GRIP2: variants seen among roughly 807,000 people sequenced by gnomAD.
The protein encoded by GRIP2 is glutamate receptor-interacting protein 2.
GRIP2 carries 58 observed loss-of-function variants against 108.3 expected under a neutral mutation model. That is an observed-to-expected ratio of 0.54 (90% CI 0.43 to 0.67). GRIP2 has a LOEUF of 0.67. Ranked by LOEUF, GRIP2 falls within the 30% of genes least tolerant of loss-of-function variation. The pLI is 0.00. For synonymous variants in GRIP2, 586 were observed against 598.2 expected (o/e 0.98, Z 0.30); for missense variants, 1,278 against 1,430.6 (o/e 0.89, Z 1.72).
chr3:14,583,730 C>G, the GRIP2 span, among the ~76,000 whole-genome samples: 1 of 152,218 alleles, frequency 6.6e-6, no homozygotes, highest in African/African-American at 2.4e-5. Context: ...CACTGCCTGC[C>G]GGGATCCGGG....
rs375605356 is a variant in GRIP2, at chr3:14,494,897, G to A, written c.2916C>T (p.Arg972=). The change falls in exon 23 of 24, where the codon CGC becomes CGT. Residue 972 remains arginine, a synonymous_variant. Transcript: ENST00000621039. ...CTCCACGGTGGGCTGGCCCATCAGG[G>A]CGCACAGTGTGGACATAGACACCTT... is the stretch of plus-strand genomic sequence containing the variant. ...LEKGVYVHTV[R]PDGPAHRGGL... The A allele has an allele frequency of 3.2e-5, 51 of 1,613,814 alleles. No homozygotes were observed. In the Middle Eastern group the frequency reaches 6.6e-4, roughly 21 times the overall value.
intron 1 of GRIP2, among the ~76,000 whole-genome samples, chr3:14,531,426 C>T (rs952668831): frequency 7.9e-5 from 12 of 152,198 alleles, no homozygotes; most frequent in Admixed American, 6.5e-4. Flanking sequence ...TGGACCCCAG[C>T]CTCCCTGCAG....
the GRIP2 span, among the ~76,000 whole-genome samples, chr3:14,582,796 A>G: frequency 6.6e-6 from 1 of 152,020 alleles, no homozygotes; most frequent in Admixed American, 6.6e-5. Context: ...TCACTCCGTG[A>G]CCTAATTAGC....
At chr3:14,558,946 G>A (rs573729410), upstream of GRIP2, among the ~76,000 whole-genome samples, 87 of 152,216 alleles carry the variant, frequency 5.7e-4, no homozygotes, top group Non-Finnish European at 9.6e-4. Context: ...GTCAAATGAA[G>A]AAGGGGAGCT....
chr3:14,528,615 G>A (rs1694624956), intron 1 of GRIP2, among the ~76,000 whole-genome samples: 1 of 152,068 alleles, frequency 6.6e-6, no homozygotes, highest in South Asian at 2.1e-4. Context: ...CAACACTTTG[G>A]GAGGCCAGGG....
intron 21 of GRIP2, among the ~76,000 whole-genome samples, chr3:14,503,250 A>C (rs890780805): frequency 6.6e-6 from 1 of 150,982 alleles, no homozygotes; most frequent in Non-Finnish European, 1.5e-5. Context: ...TACACTCTGC[A>C]AATGTGCATG....
At position 14,507,089 on chromosome 3, in the gene GRIP2, G is replaced by A. The variant is rs563542776; in HGVS notation, c.2219-109C>T. On this transcript the variant is annotated intron_variant, in intron 18 of 23. Coordinates refer to ENST00000621039, the MANE Select transcript of GRIP2 (RefSeq NM_001080423.4). This position sits in a 1 kb window ranked among gnomAD's most constrained non-coding sequence, Gnocchi z 4.6. ...ACTCACAGGCAGTAAGCCCTTCTGA[G>A]CTGACATATGACCATGGCACACTAA... is the stretch of plus-strand genomic sequence containing the variant. 9.6e-6 allele frequency: 10 copies of A among 1,036,938 alleles called. No individual in the cohort carries two copies. The South Asian group carries it at 1.5e-4, about 15-fold the overall frequency. The allele number at this position is 1,036,938 out of a possible 1,614,324, so 64.2% of individuals were successfully genotyped here.
At chr3:14,573,875 C>T in the GRIP2 span, 9 of 1,291,144 alleles carry the variant, frequency 7.0e-6, no homozygotes, top group East Asian at 4.7e-5. Flanking sequence ...ACTCCTCCTC[C>T]GAGGTCTGCA....
intron 22 of GRIP2, among the ~76,000 whole-genome samples, chr3:14,496,028 C>G (rs919947307): frequency 1.3e-5 from 2 of 151,822 alleles, no homozygotes; most frequent in Non-Finnish European, 2.9e-5. Flanking sequence ...GCCTGTGGTC[C>G]CAGCTTCTTG....
the GRIP2 span, chr3:14,574,153 C>T: frequency 1.6e-5 from 15 of 924,260 alleles, no homozygotes; most frequent in Admixed American, 1.0e-4. Context: ...TAGATGCACA[C>T]GGCTAGAATG....
chr3:14,570,476 G>A, the GRIP2 span, among the ~76,000 whole-genome samples: 1 of 152,194 alleles, frequency 6.6e-6, no homozygotes, highest in African/African-American at 2.4e-5. Flanking sequence ...ACAGAGCTAT[G>A]CAAAGTGCGG....
chr3:14,563,231 A>C, the GRIP2 span, among the ~76,000 whole-genome samples: 26 of 152,182 alleles, frequency 1.7e-4, no homozygotes, highest in Admixed American at 7.9e-4. Flanking sequence ...TGCTGTTGTA[A>C]TTAGAGTTGA....
Position 14,505,687 on chromosome 3 carries a change from C to T in GRIP2, c.2501G>A (p.Ser834Asn). The stretch of plus-strand genomic sequence containing the variant: ...CTCGTCAGCTGGGGTTGGGGTATAG[C>T]TCGTCCTCCGGGGCTCGGTGGGTGG... ...SPPPTEPRRT[S>N]YTPTPADESF... is the part of the protein sequence containing the mutation. Residue 834 changes from serine (S) to asparagine (N), a missense_variant, in exon 20 of 24, where the codon AGC (serine) becomes AAC (asparagine). Physicochemically the swap from Ser to Asn is conservative, Grantham distance 46. Transcript: ENST00000621039. The surrounding 1 kb of genome is among the most constrained non-coding windows in gnomAD (Gnocchi z 4.2). 1.1e-5 allele frequency: 18 copies of T among 1,604,270 alleles called. No individual in the cohort carries two copies. The highest frequency in any genetic ancestry group is 1.5e-5 in the Non-Finnish European group (18 of 1,175,490).
At chr3:14,596,495 C>T in the GRIP2 span, among the ~76,000 whole-genome samples, 1 of 152,160 alleles carries the variant, frequency 6.6e-6, no homozygotes, top group African/African-American at 2.4e-5. Context: ...TGTCCCCAGG[C>T]CCATCTCACT....
chr3:14,564,317 G>A, the GRIP2 span, among the ~76,000 whole-genome samples: 2 of 152,220 alleles, frequency 1.3e-5, no homozygotes, highest in Non-Finnish European at 2.9e-5. Flanking sequence ...TGGAGGTGTC[G>A]GAAATGCCAC....
At position 14,523,663 on chromosome 3, in the gene GRIP2, C is replaced by T. The variant is rs765043529; in HGVS notation, c.439G>A (p.Val147Met). 1.9e-6 allele frequency: 3 copies of T among 1,612,312 alleles called. No homozygotes were observed. The highest frequency in any genetic ancestry group is 1.1e-5 in the South Asian group (1 of 90,396). The change falls in exon 5 of 24, where the codon GTG becomes ATG. Residue 147 changes from valine to methionine, a missense_variant. By Grantham distance (21) the Val-to-Met change is conservative (BLOSUM62 1). Coordinates refer to ENST00000621039, the MANE Select transcript of GRIP2 (RefSeq NM_001080423.4). Reference protein sequence around the residue: ...ENNPRIISKTVDVSLYKEGNS... With the variant: ...ENNPRIISKTMDVSLYKEGNS... ...CCCTCCTTGTAGAGGGAGACGTCCA[C>T]TGTCTTTGAAATGATCCTGGGGTTA...
Position 14,512,716 on chromosome 3 carries a change from C to T in GRIP2, c.1720+61G>A. The stretch of plus-strand genomic sequence containing the variant: ...GAAATGCTGGTCTGAGCTTGGCAAG[C>T]TCTTTTTCCCCAGCAGTTGAGCTCG... On this transcript the variant is annotated intron_variant, in intron 14 of 23. Transcript: ENST00000621039. This position sits in a 1 kb window ranked among gnomAD's most constrained non-coding sequence, Gnocchi z 5.1. 6.7e-7 allele frequency: 1 copy of T among 1,503,432 alleles called. No homozygotes were observed. Among genetic ancestry groups the T allele is most frequent in the Non-Finnish European group, 9.2e-7 (1 of 1,085,902 alleles). 93.1% of individuals were successfully genotyped at this position (1,503,432 alleles called of 1,614,324 possible). A position where few individuals can be genotyped will look rare whatever the true frequency, so the allele number is the denominator to read the frequency against.
chr3:14,506,612 C>T (rs947531442), intron 19 of GRIP2, among the ~76,000 whole-genome samples, 189 bp downstream of exon 19: 1 of 152,216 alleles, frequency 6.6e-6, no homozygotes, highest in Non-Finnish European at 1.5e-5. Flanking sequence ...GTCCATGCTT[C>T]CAGGAGCAAG....
chr3:14,552,379 T>C (rs1695163888), intron 1 of GRIP2, among the ~76,000 whole-genome samples: 1 of 152,222 alleles, frequency 6.6e-6, no homozygotes, highest in Admixed American at 6.5e-5. Flanking sequence ...CAGGGGTTTG[T>C]GTCTGTCTTG....
Sources: gnomAD v4.1 joint callset for allele counts (sites outside exome capture counted in the v4.1 genomes callset) on GRCh38, gnomAD v4.1.1 for gene constraint, Gnocchi (gnomAD v3.1) non-coding constraint, MANE v1.5 for transcripts, NCBI Gene and HGNC (gene_info 2026-07-23, HGNC 2026-07-21) for gene names.